The following GPC5 variants were observed in gnomAD, a reference collection of about 807,000 sequenced individuals.
GPC5 encodes the protein glypican 5.
In GPC5, 47 loss-of-function variants were observed where a neutral mutation model predicts 53.9. The observed-to-expected ratio is 0.87, with a 90% CI of 0.69 to 1.11. The LOEUF is 1.11. Ranked by LOEUF, GPC5 falls within the 50% of genes most tolerant of loss-of-function variation. GPC5 has a pLI of 0.00. For synonymous variants in GPC5, 286 were observed against 263.3 expected (o/e 1.09, Z -0.84); for missense variants, 748 against 713.1 (o/e 1.05, Z -0.56).
At chr13:92,426,681 C>T (rs747239055) in intron 7 of GPC5, among the ~76,000 whole-genome samples, 2 of 151,946 alleles carry the variant, frequency 1.3e-5, no homozygotes, top group Non-Finnish European at 2.9e-5. Context: ...TAGCTTCACT[C>T]AGTATAGCTC....
At chr13:92,549,803 A>G (rs1882244841) in intron 7 of GPC5, among the ~76,000 whole-genome samples, 1 of 151,790 alleles carries the variant, frequency 6.6e-6, no homozygotes, top group Admixed American at 6.6e-5. Flanking sequence ...AGTAATTTTT[A>G]TAAACCTCTC....
chr13:92,405,259 G>A lies in GPC5; in HGVS notation c.1561+260270G>A, dbSNP rs150749373. ...GCACAGTCACACACTCCGTGCACTC[G>A]CTACGACTGGGACAATGTAGACACA... On this transcript the variant is annotated intron_variant, in intron 7 of 7. Transcript: ENST00000377067. Among the ~76,000 whole-genome samples the A allele has an allele frequency of 4.3e-3, 650 of 152,218 alleles. 3 individuals are homozygous for A. Among genetic ancestry groups the A allele is most frequent in the African/African-American group, 0.012 (490 of 41,540 alleles).
chr13:91,855,586 G>A (rs1566305858), intron 5 of GPC5, among the ~76,000 whole-genome samples: 1 of 151,700 alleles, frequency 6.6e-6, no homozygotes, highest in African/African-American at 2.4e-5. Flanking sequence ...AAATTAACAT[G>A]TAGAATCAAA....
chr13:91,807,858 T>C (rs1359756970), intron 5 of GPC5, among the ~76,000 whole-genome samples: 1 of 152,198 alleles, frequency 6.6e-6, no homozygotes, highest in Non-Finnish European at 1.5e-5. Flanking sequence ...TAAATTATCT[T>C]GGAGATGCTA....
At chr13:92,423,995 T>G (rs1443013895) in intron 7 of GPC5, among the ~76,000 whole-genome samples, 1 of 141,668 alleles carries the variant, frequency 7.1e-6, no homozygotes, top group Non-Finnish European at 1.5e-5. Context: ...TCTGCATTAT[T>G]GTGTAATGAG....
At chr13:91,505,663 G>T (rs2139312374) in intron 2 of GPC5, among the ~76,000 whole-genome samples, 1 of 152,256 alleles carries the variant, frequency 6.6e-6, no homozygotes, top group East Asian at 1.9e-4. Context: ...CCAACATTTT[G>T]TTAATGATTC....
chr13:92,338,398 T>C (rs913935946), intron 7 of GPC5, among the ~76,000 whole-genome samples: 5 of 152,070 alleles, frequency 3.3e-5, no homozygotes, highest in African/African-American at 1.2e-4. Context: ...AATATACTCT[T>C]ATATGTTCCA....
At chr13:91,688,240 C>T (rs1333424639) in intron 2 of GPC5, among the ~76,000 whole-genome samples, 1 of 151,932 alleles carries the variant, frequency 6.6e-6, no homozygotes, top group African/African-American at 2.4e-5. Flanking sequence ...AATGGCTTGG[C>T]TCCTAGATTG....
chr13:92,368,652 A>AC (rs1448626477), intron 7 of GPC5, among the ~76,000 whole-genome samples: 1 of 151,458 alleles, frequency 6.6e-6, no homozygotes, highest in Non-Finnish European at 1.5e-5. Context: ...AAAAAAAAAA[A>AC]AAAAAAAACC....
At chr13:92,839,574 T>A (rs1025491004) in intron 7 of GPC5, among the ~76,000 whole-genome samples, 1 of 152,148 alleles carries the variant, frequency 6.6e-6, no homozygotes, top group South Asian at 2.1e-4. Context: ...TGTTCCTGTG[T>A]TAGTTTGTTA....
At chr13:92,839,025 G>A (rs190893000) in intron 7 of GPC5, among the ~76,000 whole-genome samples, 64 of 152,270 alleles carry the variant, frequency 4.2e-4, no homozygotes, top group African/African-American at 1.4e-3. Context: ...AAATATTTGC[G>A]GAGTAGGAGA....
At chr13:92,608,967 T>C (rs1190817573) in intron 7 of GPC5, among the ~76,000 whole-genome samples, 1 of 152,178 alleles carries the variant, frequency 6.6e-6, no homozygotes. Flanking sequence ...TTTCTTACCT[T>C]GTCTGTTTTT....
At chr13:92,643,148 C>T (rs1361762496) in intron 7 of GPC5, among the ~76,000 whole-genome samples, 24 of 152,104 alleles carry the variant, frequency 1.6e-4, no homozygotes, top group Admixed American at 6.6e-4. Context: ...GAGGAGGTTG[C>T]GAAAATTTTC....
intron 7 of GPC5, among the ~76,000 whole-genome samples, chr13:92,395,110 TAAAG>T (rs922694671): frequency 7.9e-5 from 12 of 152,146 alleles, no homozygotes; most frequent in African/African-American, 2.4e-4. Flanking sequence ...CATTAGTACT[TAAAG>T]AAATTATTGA....
At chr13:91,844,678 T>A (rs1032893549) in intron 5 of GPC5, among the ~76,000 whole-genome samples, 30 of 152,146 alleles carry the variant, frequency 2.0e-4, no homozygotes, top group African/African-American at 6.5e-4. Flanking sequence ...ACCTCTATAT[T>A]GGAATAACCT....
At chr13:91,920,007 A>G (rs1333520243) in intron 6 of GPC5, among the ~76,000 whole-genome samples, 1 of 152,182 alleles carries the variant, frequency 6.6e-6, no homozygotes, top group African/African-American at 2.4e-5. Flanking sequence ...GAAATCCTTT[A>G]CTATACCCTA....
chr13:92,327,783 TA>T (rs1321132055), intron 7 of GPC5, among the ~76,000 whole-genome samples: 1 of 152,178 alleles, frequency 6.6e-6, no homozygotes, highest in Non-Finnish European at 1.5e-5. Flanking sequence ...AAAGAGCCCT[TA>T]TTTTGTCTCC....
intron 6 of GPC5, among the ~76,000 whole-genome samples, chr13:91,999,608 A>C (rs1239798688): frequency 6.6e-6 from 1 of 152,174 alleles, no homozygotes; most frequent in African/African-American, 2.4e-5. Context: ...TGAATACTCA[A>C]ACAACATAAT....
intron 2 of GPC5, among the ~76,000 whole-genome samples, chr13:91,492,847 G>T (rs535566867): frequency 6.6e-6 from 1 of 152,260 alleles, no homozygotes; most frequent in Admixed American, 6.5e-5. Context: ...CACCCACTCC[G>T]TGGACATACC....
Sources: gnomAD v4.1 joint callset for allele counts (sites outside exome capture counted in the v4.1 genomes callset) on GRCh38, gnomAD v4.1.1 for gene constraint, MANE v1.5 for transcripts, NCBI Gene and HGNC (gene_info 2026-07-23, HGNC 2026-07-21) for gene names.